Variants in DHRS3 observed in about 807,000 individuals in gnomAD.
DHRS3 encodes dehydrogenase/reductase 3, also known as short-chain dehydrogenase/reductase 3.
Under a neutral mutation model 27.2 loss-of-function variants are expected in DHRS3, and 14 were observed. The ratio of observed to expected loss-of-function variants is 0.52; its 90% confidence interval spans 0.34 to 0.81. DHRS3 has a LOEUF of 0.81. DHRS3 is among the 30% of genes least tolerant of loss of function. DHRS3 has a pLI of 0.01. For synonymous variants in DHRS3, 165 were observed against 175.9 expected (o/e 0.94, Z 0.49); for missense variants, 322 against 406.2 (o/e 0.79, Z 1.78).
At chr1:12,582,400 C>T (rs776058752) in intron 1 of DHRS3, among the ~76,000 whole-genome samples, 16 of 152,146 alleles carry the variant, frequency 1.1e-4, no homozygotes, top group Non-Finnish European at 2.4e-4. Flanking sequence ...CTTAGTCTAG[C>T]CACTTTATTT....
chr1:12,613,428 T>C (rs1557534993), intron 1 of DHRS3, among the ~76,000 whole-genome samples: 1 of 152,204 alleles, frequency 6.6e-6, no homozygotes, highest in Non-Finnish European at 1.5e-5. Flanking sequence ...TGCTACATTT[T>C]CTTACAGGCC....
At chr1:12,603,922 C>T (rs938466865) in intron 1 of DHRS3, among the ~76,000 whole-genome samples, 1 of 152,204 alleles carries the variant, frequency 6.6e-6, no homozygotes, top group Non-Finnish European at 1.5e-5. Flanking sequence ...CCAGGGCGTT[C>T]CCTGCCTCTC....
intron 1 of DHRS3, among the ~76,000 whole-genome samples, chr1:12,616,238 T>C (rs933999228): frequency 3.9e-5 from 6 of 152,172 alleles, no homozygotes; most frequent in African/African-American, 1.2e-4. Context: ...CTGTTTTCGC[T>C]CTTCCTCTTC....
intron 5 of DHRS3, among the ~76,000 whole-genome samples, chr1:12,572,378 G>T (rs1646545086): frequency 6.6e-6 from 1 of 152,078 alleles, no homozygotes; most frequent in African/African-American, 2.4e-5. Context: ...CGCCATTTTA[G>T]CCAGGATGGT....
intron 5 of DHRS3, among the ~76,000 whole-genome samples, chr1:12,570,323 C>T (rs1277871930): frequency 6.6e-6 from 1 of 152,208 alleles, no homozygotes; most frequent in Non-Finnish European, 1.5e-5. Context: ...CCTGTGGGGG[C>T]CTTCATGGCG....
chr1:12,609,079 T>C (rs536450955), intron 1 of DHRS3, among the ~76,000 whole-genome samples: 11 of 152,338 alleles, frequency 7.2e-5, no homozygotes, highest in Admixed American at 5.2e-4. Flanking sequence ...AATTATCTGA[T>C]TTTATTCAGA....
intron 1 of DHRS3, among the ~76,000 whole-genome samples, chr1:12,589,840 C>CATTATTATT (rs150189606): frequency 1.0e-3 from 151 of 149,252 alleles, no homozygotes; most frequent in East Asian, 2.7e-3. Context: ...AGCTAGCTGT[C>CATTATTATT]ATTATTATTA....
At chr1:12,595,700 T>G (rs1570387219) in intron 1 of DHRS3, among the ~76,000 whole-genome samples, 1 of 112,758 alleles carries the variant, frequency 8.9e-6, no homozygotes, top group African/African-American at 3.6e-5. Context: ...AAGGCCGAGG[T>G]GCGGTCAGGG....
At position 12,591,391 on chromosome 1, in the gene DHRS3, G is replaced by A. The variant is rs1270917330; in HGVS notation, c.196-10725C>T. ...CTCCAGGCCCCTGTTTTGGCCTGCC[G>A]AGAATGTTTTGGCTACCGCTGGCTC... On this transcript the variant is annotated intron_variant, in intron 1 of 5. Transcript: ENST00000616661. The surrounding 1 kb of genome is among the most constrained non-coding windows in gnomAD (Gnocchi z 4.1). Among the ~76,000 whole-genome samples the A allele has an allele frequency of 1.3e-5, 2 of 152,234 alleles. No individual in the cohort carries two copies. Among genetic ancestry groups the A allele is most frequent in the Non-Finnish European group, 2.9e-5 (2 of 68,036 alleles).
rs1646763009 is a variant in DHRS3 at position 12,593,406 on chromosome 1, G to T, written c.196-12740C>A. On this transcript the variant is annotated intron_variant, in intron 1 of 5. Coordinates refer to ENST00000616661, the MANE Select transcript of DHRS3 (RefSeq NM_004753.7). The surrounding 1 kb of genome is among the most constrained non-coding windows in gnomAD (Gnocchi z 4.6). ...TTTGTAGAGACGGGGGTATCACATT[G>T]TTGCCCAGGCTGGTCTTGAACTCCT... is the stretch of plus-strand genomic sequence containing the variant. Among the ~76,000 whole-genome samples, 1 of 152,028 alleles carries T rather than the reference G, an allele frequency of 6.6e-6. No homozygotes were observed. Among genetic ancestry groups the T allele is most frequent in the South Asian group, 2.1e-4 (1 of 4,806 alleles).
At chr1:12,588,961 A>G (rs1294688468) in intron 1 of DHRS3, among the ~76,000 whole-genome samples, 1 of 152,228 alleles carries the variant, frequency 6.6e-6, no homozygotes, top group African/African-American at 2.4e-5. Flanking sequence ...GAGGGAAAGA[A>G]AATACCCGCC....
At chr1:12,604,824 G>A (rs985989374) in intron 1 of DHRS3, among the ~76,000 whole-genome samples, 1 of 152,238 alleles carries the variant, frequency 6.6e-6, no homozygotes, top group African/African-American at 2.4e-5. Flanking sequence ...GCTGAGGCGG[G>A]TGGATCACAA....
chr1:12,615,989 G>A (rs950028560), intron 1 of DHRS3, among the ~76,000 whole-genome samples: 3 of 152,184 alleles, frequency 2.0e-5, no homozygotes, highest in African/African-American at 7.2e-5. Flanking sequence ...TAATCGGATC[G>A]GCTTTGGCTG....
chr1:12,616,547 A>T, intron 1 of DHRS3: 2 of 985,816 alleles, frequency 2.0e-6, no homozygotes, highest in South Asian at 4.7e-5. Context: ...GCTCTTTATC[A>T]GTAGCTGCTT....
intron 1 of DHRS3, 70 bp downstream of exon 1, chr1:12,617,084 G>A (rs909473104): frequency 4.0e-5 from 60 of 1,491,286 alleles, no homozygotes; most frequent in Admixed American, 1.7e-4. Flanking sequence ...GCGGGATCCC[G>A]CAGCGGCAGC....
rs539779061 is a variant in DHRS3, at chr1:12,591,911, C to A, written c.196-11245G>T. On this transcript the variant is annotated intron_variant, in intron 1 of 5. Coordinates refer to ENST00000616661, the MANE Select transcript of DHRS3 (RefSeq NM_004753.7). This position sits in a 1 kb window ranked among gnomAD's most constrained non-coding sequence, Gnocchi z 4.1. ...ATGAGGGAAAGGTGCGGTCATCATT[C>A]GGTCTTGATGACCAAGTGGTTATGA... 6.6e-6 allele frequency among the ~76,000 whole-genome samples: 1 copy of A among 152,226 alleles called. No homozygotes were observed. The highest frequency in any genetic ancestry group is 2.1e-4 in the South Asian group (1 of 4,836).
chr1:12,612,004 G>T (rs1398039442), intron 1 of DHRS3, among the ~76,000 whole-genome samples: 8 of 151,528 alleles, frequency 5.3e-5, no homozygotes, highest in Admixed American at 5.3e-4. Flanking sequence ...AAGACTGCAG[G>T]GGGGCGTGGT....
chr1:12,591,892 G>A lies in DHRS3; in HGVS notation c.196-11226C>T, dbSNP rs1424250239. On this transcript the variant is annotated intron_variant, in intron 1 of 5. Coordinates refer to ENST00000616661, the MANE Select transcript of DHRS3 (RefSeq NM_004753.7). This position sits in a 1 kb window ranked among gnomAD's most constrained non-coding sequence, Gnocchi z 4.1. ...GGTGTCCACCTCCCAGGGAATGAGG[G>A]AAAGGTGCGGTCATCATTCGGTCTT... 6.6e-6 allele frequency among the ~76,000 whole-genome samples: 1 copy of A among 152,226 alleles called. No homozygotes were observed. The highest frequency in any genetic ancestry group is 1.5e-5 in the Non-Finnish European group (1 of 68,046).
chr1:12,598,589 C>A (rs1473669810), intron 1 of DHRS3, among the ~76,000 whole-genome samples: 2 of 152,224 alleles, frequency 1.3e-5, no homozygotes, highest in African/African-American at 4.8e-5. Context: ...TCTCTTTATC[C>A]CACTGTGGTA....
Sources: allele counts gnomAD v4.1 joint callset (sites outside exome capture counted in the v4.1 genomes callset), GRCh38; gene constraint gnomAD v4.1.1; non-coding constraint Gnocchi (gnomAD v3.1); transcripts MANE v1.5; gene names NCBI Gene and HGNC (gene_info 2026-07-23, HGNC 2026-07-21).